CFAP54: variants seen among roughly 807,000 people sequenced by gnomAD.
CFAP54 encodes the protein cilia- and flagella-associated protein 54.
In CFAP54, 290 loss-of-function variants were observed where a neutral mutation model predicts 370.4. The ratio of observed to expected loss-of-function variants is 0.78; its 90% CI spans 0.71 to 0.86. The LOEUF is 0.86. Ranked by LOEUF, CFAP54 falls within the 40% of genes least tolerant of loss-of-function variation. The probability of loss-of-function intolerance (pLI) is 0.00; values close to 1 mark genes in which losing one functional copy is unlikely to be tolerated. For missense variants in CFAP54, 3,399 were observed against 3,528.7 expected (o/e 0.96, Z 0.93); for synonymous variants, 1,206 against 1,236.5 (o/e 0.98, Z 0.52).
intron 60 of CFAP54, among the ~76,000 whole-genome samples, chr12:96,781,039 G>A (rs35435570): frequency 0.065 from 9,841 of 152,150 alleles, 467 homozygotes; most frequent in Non-Finnish European, 0.1. Flanking sequence ...AGAAGTAGAT[G>A]TAATGTAGAA....
At chr12:96,649,360 A>G (rs146040183) in intron 34 of CFAP54, among the ~76,000 whole-genome samples, 213 of 152,230 alleles carry the variant, frequency 1.4e-3, no homozygotes, top group Non-Finnish European at 2.5e-3. Context: ...AAGACCTACC[A>G]TGAAATTGGC....
intron 6 of CFAP54, among the ~76,000 whole-genome samples, chr12:96,521,174 T>A (rs1391856630): frequency 6.6e-6 from 1 of 152,228 alleles, no homozygotes; most frequent in Admixed American, 6.5e-5. Context: ...TAGAAGCATC[T>A]TCATTAAAAA....
chr12:96,832,061 G>T (rs1486963532), intron 66 of CFAP54, among the ~76,000 whole-genome samples: 1 of 152,054 alleles, frequency 6.6e-6, no homozygotes, highest in African/African-American at 2.4e-5. Context: ...TTGAATCATA[G>T]GGGCAGTTCT....
chr12:96,664,725 CTATATATATATA>C (rs199537312), intron 39 of CFAP54, among the ~76,000 whole-genome samples: 1 of 72,574 alleles, frequency 1.4e-5, no homozygotes, highest in South Asian at 4.4e-4. Flanking sequence ...CTATATATAT[CTATATATATATA>C]TCTATATATA....
At chr12:96,669,975 C>T (rs1318362654) in intron 39 of CFAP54, among the ~76,000 whole-genome samples, 1 of 152,110 alleles carries the variant, frequency 6.6e-6, no homozygotes, top group African/African-American at 2.4e-5. Context: ...AGCTATACAG[C>T]AGTAACAAAC....
chr12:96,505,908 C>T (rs1173521963), intron 3 of CFAP54, among the ~76,000 whole-genome samples: 1 of 152,170 alleles, frequency 6.6e-6, no homozygotes, highest in African/African-American at 2.4e-5. Context: ...TCTTCCTCAT[C>T]CTAGAGTCTC....
At chr12:96,834,165 G>A (rs1959178934) in intron 66 of CFAP54, among the ~76,000 whole-genome samples, 2 of 152,224 alleles carry the variant, frequency 1.3e-5, no homozygotes, top group South Asian at 4.1e-4. Flanking sequence ...AAGGTTGAAA[G>A]TGTAGATTAG....
At chr12:96,567,097 A>C (rs1955871330) in intron 19 of CFAP54, among the ~76,000 whole-genome samples, 1 of 152,182 alleles carries the variant, frequency 6.6e-6, no homozygotes, top group Non-Finnish European at 1.5e-5. Context: ...GATGGCTTGA[A>C]TTTGAATACT....
intron 1 of CFAP54, among the ~76,000 whole-genome samples, chr12:96,496,195 A>G (rs1014089545): frequency 6.6e-6 from 1 of 152,212 alleles, no homozygotes; most frequent in Non-Finnish European, 1.5e-5. Context: ...CCTTCACTCA[A>G]TCAGTGACTC....
intron 65 of CFAP54, among the ~76,000 whole-genome samples, chr12:96,826,737 A>G (rs1281759853): frequency 8.9e-6 from 1 of 112,442 alleles, no homozygotes; most frequent in East Asian, 2.4e-4. Flanking sequence ...ATTATATAAT[A>G]TATAATTCTT....
chr12:96,580,868 T>A lies in CFAP54; in HGVS notation c.2890-52T>A, dbSNP rs1367457994. Reference sequence around the variant, plus strand: ...GGTTTACTTAATTGTATTTTAAAAGTCATGTTATTTTAATTTTTCATGTAT... The same window carrying A: ...GGTTTACTTAATTGTATTTTAAAAGACATGTTATTTTAATTTTTCATGTAT... On this transcript the variant is annotated intron_variant, in intron 21 of 67. Transcript: ENST00000524981. 3 of 1,284,256 alleles carry A rather than the reference T, an allele frequency of 2.3e-6. No individual in the cohort carries two copies. The Admixed American group carries it at 9.5e-5, about 41-fold the overall frequency. 79.6% of individuals were successfully genotyped at this position (1,284,256 alleles called of 1,614,324 possible).
At chr12:96,759,785 G>C (rs763179683) in intron 58 of CFAP54, among the ~76,000 whole-genome samples, 7 of 152,156 alleles carry the variant, frequency 4.6e-5, no homozygotes, top group Non-Finnish European at 5.9e-5. Context: ...ATGGAGATGA[G>C]GATCCTTACC....
chr12:96,654,500 C>A (rs1480604253), intron 36 of CFAP54, among the ~76,000 whole-genome samples: 613 of 135,100 alleles, frequency 4.5e-3, no homozygotes, highest in Admixed American at 5.7e-3. Flanking sequence ...GACTCCGTCT[C>A]AAAAAAAAAA....
chr12:96,547,037 G>A (rs879771262), intron 14 of CFAP54, among the ~76,000 whole-genome samples: 1 of 152,052 alleles, frequency 6.6e-6, no homozygotes, highest in African/African-American at 2.4e-5. Flanking sequence ...GTAATGAGGG[G>A]TTGTCCCTAT....
At chr12:96,766,271 T>C (rs10128769) in intron 60 of CFAP54, among the ~76,000 whole-genome samples, 55,221 of 151,838 alleles carry the variant, frequency 0.36, 10,787 homozygotes, top group East Asian at 0.58. Context: ...TACGCTGAGG[T>C]TTTGTTTTCT....
At position 96,817,833 on chromosome 12, in the gene CFAP54, C is replaced by G. The variant is rs772738017; in HGVS notation, c.9016C>G (p.Pro3006Ala). 2 of 1,515,326 alleles carry G rather than the reference C, an allele frequency of 1.3e-6. No homozygotes were observed. The highest frequency in any genetic ancestry group is 1.2e-5 in the South Asian group (1 of 81,080). The allele number at this position is 1,515,326 out of a possible 1,614,324, so 93.9% of individuals were successfully genotyped here. A position where few individuals can be genotyped will look rare whatever the true frequency, so the allele number is the denominator to read the frequency against. Residue 3006 changes from proline (P) to alanine (A), a missense_variant, in exon 65 of 68, where the codon CCA becomes GCA. Coordinates refer to ENST00000524981, the MANE Select transcript of CFAP54 (RefSeq NM_001306084.2). ...TGCTCAAATAGCTGAACTATCATTG[C>G]CAGCAGCTCCTGAAATTACCTCAAA... ...NLAQIAELSL[P>A]AAPEITSNEN...
chr12:96,581,179 G>T, intron 22 of CFAP54, 74 bp downstream of exon 22: 1 of 1,053,516 alleles, frequency 9.5e-7, no homozygotes, highest in Non-Finnish European at 1.2e-6. Flanking sequence ...AATTTCTGAT[G>T]GAAATAAAAA....
chr12:96,712,762 G>A (rs998357675), intron 48 of CFAP54, among the ~76,000 whole-genome samples: 6 of 152,076 alleles, frequency 3.9e-5, no homozygotes, highest in Non-Finnish European at 5.9e-5. Flanking sequence ...ACATATGAGT[G>A]AGAACAGGCA....
At chr12:96,825,427 A>C in intron 65 of CFAP54, among the ~76,000 whole-genome samples, 1 of 104,740 alleles carries the variant, frequency 9.5e-6, no homozygotes, top group Admixed American at 1.1e-4. Flanking sequence ...AACATGTTAT[A>C]TTATATATAA....
Sources: allele counts gnomAD v4.1 joint callset (sites outside exome capture counted in the v4.1 genomes callset), GRCh38; gene constraint gnomAD v4.1.1; transcripts MANE v1.5; gene names NCBI Gene and HGNC (gene_info 2026-07-23, HGNC 2026-07-21).